Variants in NOX1 observed in about 807,000 individuals in gnomAD.
The protein encoded by NOX1 is NADPH oxidase 1, also known as NADH/NADPH mitogenic oxidase subunit P65-MOX.
NOX1 carries 34 observed loss-of-function variants against 42.5 expected under a neutral mutation model. The ratio of observed to expected loss-of-function variants is 0.80; its 90% CI spans 0.61 to 1.07. The LOEUF is 1.07. Ranked by LOEUF, NOX1 falls within the 50% of genes least tolerant of loss-of-function variation. The pLI, the probability that NOX1 is intolerant of heterozygous loss-of-function variation, is 0.00. For missense variants in NOX1, 408 were observed against 427.0 expected, an observed-to-expected ratio of 0.96 and a Z score of 0.39; for synonymous variants, 143 against 152.5, an observed-to-expected ratio of 0.94 and a Z score of 0.46.
Position 100,843,569 on chromosome X carries a change from A to G in NOX1, c.*383T>C, listed in dbSNP as rs768770000. The G allele has an allele frequency of 2.6e-6, 2 of 777,426 alleles. No homozygotes were observed. Among genetic ancestry groups the G allele is most frequent in the East Asian group, 8.2e-5 (2 of 24,466 alleles). 64.1% of individuals were successfully genotyped at this position (777,426 alleles called of 1,213,427 possible). On this transcript the variant is annotated 3_prime_UTR_variant, in exon 13 of 13. Coordinates refer to ENST00000372966, the MANE Select transcript of NOX1 (RefSeq NM_007052.5). ...GAAATCTTCTGTGGGGGTGGGAGGG[A>G]CAAAAGATTACAAACCAAAACTCAG...
chrX:100,851,106 C>T, intron 8 of NOX1, 127 bp downstream of exon 8: 1 of 424,292 alleles, frequency 2.4e-6, no homozygotes, highest in South Asian at 4.5e-5. Context: ...TCCCAAAGTG[C>T]TGGGACTACC....
chrX:100,855,560 G>T, intron 7 of NOX1: 1 of 822,405 alleles, frequency 1.2e-6, no homozygotes, highest in Non-Finnish European at 1.8e-6. Context: ...TGCCACTCCT[G>T]CCATAGCCAC....
At chrX:100,853,261 CCTTT>C (rs1177925812) in intron 7 of NOX1, among the ~76,000 whole-genome samples, 1,270 of 23,348 alleles carry the variant, frequency 0.054, 42 homozygotes, top group East Asian at 0.079. Flanking sequence ...TTCCTTCCTT[CCTTT>C]CTTTCTTTCT....
At chrX:100,871,164 T>C (rs1234770380) in intron 1 of NOX1, among the ~76,000 whole-genome samples, 2 of 112,699 alleles carry the variant, frequency 1.8e-5, no homozygotes, top group Non-Finnish European at 3.7e-5. Flanking sequence ...GAAAGTTATA[T>C]GAAATTCAAA....
chrX:100,845,789 T>G (rs1425841920), intron 12 of NOX1, among the ~76,000 whole-genome samples: 1 of 61,425 alleles, frequency 1.6e-5, no homozygotes, highest in East Asian at 3.9e-4. Context: ...CTAATTCTTT[T>G]CACCTTTTTT....
intron 7 of NOX1, among the ~76,000 whole-genome samples, chrX:100,857,462 C>A (rs1257807010): frequency 8.9e-6 from 1 of 112,163 alleles, no homozygotes; most frequent in Non-Finnish European, 1.9e-5. Flanking sequence ...ACACTGCTTT[C>A]CACAATGGCT....
At chrX:100,869,873 G>T (rs1240455940) in intron 2 of NOX1, among the ~76,000 whole-genome samples, 1 of 101,217 alleles carries the variant, frequency 9.9e-6, no homozygotes, top group African/African-American at 3.6e-5. Flanking sequence ...TAGCATGAAA[G>T]GTTGTTGAAT....
At chrX:100,866,762 T>A (rs1602393038) in intron 2 of NOX1, among the ~76,000 whole-genome samples, 1 of 70,859 alleles carries the variant, frequency 1.4e-5, no homozygotes, top group African/African-American at 5.5e-5. Context: ...GACTACAAAA[T>A]GTGGGAGGGT....
chrX:100,872,405 C>T (rs998521486), intron 1 of NOX1, among the ~76,000 whole-genome samples: 1 of 111,995 alleles, frequency 8.9e-6, no homozygotes, highest in Admixed American at 9.5e-5. Flanking sequence ...ATTCCATTCC[C>T]CATCTTAGCT....
chrX:100,859,966 A>G (rs1314032180), intron 7 of NOX1, among the ~76,000 whole-genome samples: 1 of 110,397 alleles, frequency 9.1e-6, no homozygotes, highest in Non-Finnish European at 1.9e-5. Context: ...TGAAAGTACA[A>G]CAGTACAATA....
rs746383246 is a variant in NOX1, at chrX:100,862,571, T to G, written c.492A>C (p.Thr164=). 3 of 1,205,835 alleles carry G rather than the reference T, an allele frequency of 2.5e-6. No individual in the cohort carries two copies. Among genetic ancestry groups the G allele is most frequent in the Non-Finnish European group, 3.4e-6 (3 of 891,364 alleles). ...WLNPIQSRNT[T]VEYVTFTSIA... is the part of the protein sequence containing the mutation. ...TGCTGGTGAATGTCACATACTCCAC[T>G]GTCTGTGAAAGGAGAAATGTCAGCC... The change falls in exon 6 of 13, where the codon ACA becomes ACC. Residue 164 remains threonine (T), a splice_region_variant and synonymous_variant. Transcript: ENST00000372966.
chrX:100,852,769 C>A (rs1424433980), intron 7 of NOX1, among the ~76,000 whole-genome samples: 1 of 111,625 alleles, frequency 9.0e-6, no homozygotes, highest in African/African-American at 3.3e-5. Flanking sequence ...GAAGAAAATT[C>A]CCCAGCTCAA....
intron 2 of NOX1, among the ~76,000 whole-genome samples, chrX:100,866,614 A>C: frequency 9.0e-6 from 1 of 110,541 alleles, no homozygotes; most frequent in Non-Finnish European, 1.9e-5. Flanking sequence ...TTTTGCAAAC[A>C]GTTTTAATAG....
rs57222935 is a variant in NOX1, at chrX:100,860,436, C to T, written c.804+1735G>A. Among the ~76,000 whole-genome samples the T allele has an allele frequency of 5.6e-3, 628 of 112,192 alleles. 5 individuals carry two copies. The highest frequency in any genetic ancestry group is 0.019 in the African/African-American group (601 of 30,968). ...AGCAATGCATAAGAGCATTTTTCCA[C>T]ACTTGCCAGCACCATACATTAGCAG... is the stretch of plus-strand genomic sequence containing the variant. On this transcript the variant is annotated intron_variant, in intron 7 of 12. Transcript: ENST00000372966.
Position 100,854,228 on chromosome X carries a change from A to G in NOX1, c.805-2903T>C, listed in dbSNP as rs759572810. ...TCCTCTAGGTGGTAGAACTCTATGA[A>G]ATTTTTTATTTACTTCTAGTATTTT... On this transcript the variant is annotated intron_variant, in intron 7 of 12. Transcript: ENST00000372966. Among the ~76,000 whole-genome samples, 4 of 112,199 alleles carry G rather than the reference A, an allele frequency of 3.6e-5. No individual in the cohort carries two copies. In the South Asian group the frequency reaches 1.5e-3, roughly 42 times the overall value.
intron 4 of NOX1, 90 bp from the exon 5 acceptor site, chrX:100,862,910 T>C: frequency 2.2e-6 from 2 of 889,842 alleles, no homozygotes; most frequent in Non-Finnish European, 3.2e-6. Flanking sequence ...TCCTACATTA[T>C]AGTGCTTAGC....
chrX:100,853,300 T>TCTTTC (rs1569445611), intron 7 of NOX1, among the ~76,000 whole-genome samples: 1 of 69,368 alleles, frequency 1.4e-5, no homozygotes, highest in African/African-American at 6.5e-5. Context: ...CTTTCTTTCT[T>TCTTTC]TCTTTCTTTC....
intron 7 of NOX1, chrX:100,855,643 C>T (rs2147911207): frequency 4.9e-6 from 5 of 1,029,241 alleles, no homozygotes; most frequent in Non-Finnish European, 4.1e-6. Flanking sequence ...GGGCCGCCTC[C>T]TGGATAACCA....
Position 100,866,488 on chromosome X carries a change from C to CTGTGTGTGTGTG in NOX1, c.142-2905_142-2894dup, listed in dbSNP as rs36112590. ...TGAGCTTATGTCAGTGTGTGTGTCC[C>CTGTGTGTGTGTG]TGTGTGTGTGTGTGTGTGTGTGTGT... On this transcript the variant is annotated intron_variant, in intron 2 of 12. Transcript: ENST00000372966. Among the ~76,000 whole-genome samples the CTGTGTGTGTGTG allele has an allele frequency of 4.1e-5, 4 of 96,702 alleles. No homozygotes were observed. In the South Asian group the frequency reaches 1.5e-3, roughly 37 times the overall value. The allele number at this position is 96,702 out of a possible 115,157, so 84.0% of individuals were successfully genotyped here. A position where few individuals can be genotyped will look rare whatever the true frequency, so the allele number is the denominator to read the frequency against.
Sources: gnomAD v4.1 joint callset for allele counts (sites outside exome capture counted in the v4.1 genomes callset) on GRCh38, gnomAD v4.1.1 for gene constraint, MANE v1.5 for transcripts, NCBI Gene and HGNC (gene_info 2026-07-23, HGNC 2026-07-21) for gene names.